The following LMF1 variants were observed in gnomAD, a reference collection of about 807,000 sequenced individuals.
The protein encoded by LMF1 is transmembrane protein 112.
In LMF1, 68 loss-of-function variants were observed where a neutral mutation model predicts 60.6. The observed-to-expected ratio is 1.12, with a 90% CI of 0.92 to 1.37. LMF1 has a LOEUF of 1.37. LMF1 is among the 40% of genes most tolerant of loss of function. The pLI is 0.00. For synonymous variants in LMF1, 418 were observed against 324.7 expected (o/e 1.29, Z -3.09); for missense variants, 948 against 767.2 (o/e 1.24, Z -2.78).
upstream of LMF1, among the ~76,000 whole-genome samples, chr16:971,747 G>T (rs1567344208): frequency 6.6e-6 from 1 of 152,208 alleles, no homozygotes; most frequent in Non-Finnish European, 1.5e-5. Context: ...GGAAGGGCTG[G>T]GGTCACAGGC....
chr16:860,034 A>T (rs1298005411), intron 10 of LMF1, among the ~76,000 whole-genome samples: 2 of 150,920 alleles, frequency 1.3e-5, no homozygotes, highest in Non-Finnish European at 2.9e-5. Context: ...TCCTGAGCTT[A>T]TCTGTCATCT....
At position 981,251 on chromosome 16, in the gene LMF1, C is replaced by T. The variant is rs1212388785; in HGVS notation, c.-241G>A. 3.3e-5 allele frequency: 15 copies of T among 451,342 alleles called. No individual in the cohort carries two copies. The East Asian group carries it at 1.1e-3, about 32-fold the overall frequency. The allele number at this position is 451,342 out of a possible 1,614,324, so 28.0% of individuals were successfully genotyped here. On this transcript the variant is annotated 5_prime_UTR_variant, in exon 1 of 7. Coordinates refer to the LMF1 transcript ENST00000570014. ...GCAGCAGCTGACCCCGCGCCACCGGCCTGCGGGCGAGACCTCAGGCGCGAG... is the reference window on the plus strand; with the variant it reads ...GCAGCAGCTGACCCCGCGCCACCGGTCTGCGGGCGAGACCTCAGGCGCGAG...
At chr16:943,093 C>T (rs921432885) in intron 2 of LMF1, among the ~76,000 whole-genome samples, 14 of 152,144 alleles carry the variant, frequency 9.2e-5, no homozygotes, top group African/African-American at 1.9e-4. Context: ...GAGTCTCGGC[C>T]GGGCACGGTG....
At chr16:964,864 C>CG (rs1314717701) in intron 1 of LMF1, among the ~76,000 whole-genome samples, 1 of 152,238 alleles carries the variant, frequency 6.6e-6, no homozygotes, top group Non-Finnish European at 1.5e-5. Flanking sequence ...GGCCCCACCT[C>CG]GCCGAAGCAG....
chr16:877,825 C>T (rs1186890186), intron 6 of LMF1, among the ~76,000 whole-genome samples: 12 of 152,142 alleles, frequency 7.9e-5, no homozygotes, highest in Admixed American at 6.5e-4. Flanking sequence ...CGCAGACAGA[C>T]GGGGAAGTAC....
At chr16:870,133 T>A in intron 8 of LMF1, 67 bp from the exon 9 acceptor site, 2 of 1,506,144 alleles carry the variant, frequency 1.3e-6, no homozygotes, top group Non-Finnish European at 1.8e-6. Flanking sequence ...GGTGCATGGG[T>A]GGGGGGGGTT....
chr16:892,569 G>T (rs896279465), intron 5 of LMF1, among the ~76,000 whole-genome samples: 1 of 152,248 alleles, frequency 6.6e-6, no homozygotes, highest in African/African-American at 2.4e-5. Context: ...GTTCACACCT[G>T]CCCTGTGGGA....
chr16:875,646 G>T (rs530037013), intron 6 of LMF1, among the ~76,000 whole-genome samples: 2 of 152,146 alleles, frequency 1.3e-5, no homozygotes, highest in Non-Finnish European at 2.9e-5. Flanking sequence ...GAAGCGGGAG[G>T]TGGGATCCTG....
intron 3 of LMF1, among the ~76,000 whole-genome samples, chr16:912,998 C>T (rs1319038303): frequency 1.3e-5 from 2 of 152,182 alleles, no homozygotes; most frequent in Non-Finnish European, 2.9e-5. Context: ...CCCAGGCACC[C>T]GAACGAGGCG....
Position 876,704 on chromosome 16 carries a change from G to A in LMF1, c.897+2866C>T, listed in dbSNP as rs566082249. On this transcript the variant is annotated intron_variant, in intron 6 of 10. Transcript: ENST00000262301. ...GACAGAGGCAGGCTGGGTGGGCTGA[G>A]GACCTTGGACAGAGGCGGGCTGGGC... Among the ~76,000 whole-genome samples, 9 of 150,600 alleles carry A rather than the reference G, an allele frequency of 6.0e-5. No homozygotes were observed. The South Asian group carries it at 1.9e-3, about 31-fold the overall frequency.
rs377249742 is a variant in LMF1, at chr16:948,626, C to T, written c.503+5731G>A. ...CAAAGACAATGACAGAGTCAGCCAACGACAGAATCAGAGACAACGACAGAG... is the reference window on the plus strand; with the variant it reads ...CAAAGACAATGACAGAGTCAGCCAATGACAGAATCAGAGACAACGACAGAG... On this transcript the variant is annotated intron_variant, in intron 2 of 10. Coordinates refer to ENST00000262301, the MANE Select transcript of LMF1 (RefSeq NM_022773.4). Among the ~76,000 whole-genome samples the T allele has an allele frequency of 1.7e-4, 25 of 145,588 alleles. 1 individual carries two copies. The highest frequency in any genetic ancestry group is 4.7e-4 in the African/African-American group (18 of 38,694).
At chr16:950,771 GA>G in intron 2 of LMF1, among the ~76,000 whole-genome samples, 1 of 64,220 alleles carries the variant, frequency 1.6e-5, no homozygotes, top group East Asian at 4.1e-4. Flanking sequence ...GACAGAGTCA[GA>G]GCCAACGACA....
At chr16:856,099 G>A (rs1332036166) in intron 10 of LMF1, 3 of 380,714 alleles carry the variant, frequency 7.9e-6, no homozygotes, top group Admixed American at 3.3e-5. Context: ...GAGTGGGGTC[G>A]GGCCTTTGGA....
intron 5 of LMF1, among the ~76,000 whole-genome samples, chr16:891,468 C>T (rs546944848): frequency 6.6e-6 from 1 of 152,370 alleles, no homozygotes; most frequent in South Asian, 2.1e-4. Context: ...CGGTCCTCAC[C>T]AGCACGCAGC....
At chr16:955,634 G>A (rs1448067007) in intron 1 of LMF1, among the ~76,000 whole-genome samples, 1 of 150,566 alleles carries the variant, frequency 6.6e-6, no homozygotes, top group Non-Finnish European at 1.5e-5. Context: ...CATACGCATA[G>A]AAGCAAACTA....
rs779500947 is a variant in LMF1, at chr16:879,564, G to A, written c.897+6C>T. The A allele has an allele frequency of 1.2e-6, 2 of 1,612,094 alleles. No homozygotes were observed. Among genetic ancestry groups the A allele is most frequent in the Admixed American group, 3.3e-5 (2 of 59,934 alleles). On this transcript the variant is annotated splice_donor_region_variant and intron_variant, in intron 6 of 10. Coordinates refer to ENST00000262301, the MANE Select transcript of LMF1 (RefSeq NM_022773.4). ...ACACGGGGCAGGGCGGGCGGCGCGGGCTCACCTGGAACAGGATCTGCAGCA... is the reference window on the plus strand; with the variant it reads ...ACACGGGGCAGGGCGGGCGGCGCGGACTCACCTGGAACAGGATCTGCAGCA...
At chr16:978,941 G>A (rs1286824061) in intron 1 of LMF1, 2 of 453,500 alleles carry the variant, frequency 4.4e-6, no homozygotes, top group Non-Finnish European at 4.4e-6. Flanking sequence ...GAAGCTTCAG[G>A]GCTCAGCTTA....
intron 4 of LMF1, among the ~76,000 whole-genome samples, chr16:907,818 C>T (rs1596967446): frequency 6.6e-6 from 1 of 152,180 alleles, no homozygotes; most frequent in Non-Finnish European, 1.5e-5. Flanking sequence ...ACACCCAACA[C>T]AGGAGTCTAT....
In LMF1 at chr16:892,941, G is replaced by A. The variant is rs1054205420; in HGVS notation, c.729+66C>T. 20 of 1,305,888 alleles carry A rather than the reference G, an allele frequency of 1.5e-5. No individual in the cohort carries two copies. The East Asian group carries it at 2.6e-4, about 17-fold the overall frequency. The allele number at this position is 1,305,888 out of a possible 1,614,324, so 80.9% of individuals were successfully genotyped here. A position where few individuals can be genotyped will look rare whatever the true frequency, so the allele number is the denominator to read the frequency against. On this transcript the variant is annotated intron_variant, in intron 5 of 10. Transcript: ENST00000262301. ...ACCAGGGTGTGCAGGACTGAGCCCC[G>A]CCAAGAGTGGGAACGGGGCGGCGTG...
Sources: allele counts gnomAD v4.1 joint callset (sites outside exome capture counted in the v4.1 genomes callset), GRCh38; gene constraint gnomAD v4.1.1; transcripts MANE v1.5; gene names NCBI Gene and HGNC (gene_info 2026-07-23, HGNC 2026-07-21).